The following FAM184A variants were observed in gnomAD, a reference collection of about 807,000 sequenced individuals.
FAM184A encodes the protein protein FAM184A.
Under a neutral mutation model 143.8 loss-of-function variants are expected in FAM184A, and 99 were observed. The ratio of observed to expected loss-of-function variants is 0.69; its 90% confidence interval spans 0.58 to 0.81. The LOEUF is 0.81. Among genes scored for constraint, FAM184A ranks in the 40% least tolerant of loss-of-function variants. FAM184A has a pLI of 0.00. For synonymous variants in FAM184A, 427 were observed against 446.4 expected (o/e 0.96, Z 0.55); for missense variants, 1,217 against 1,310.5 (o/e 0.93, Z 1.10).
chr6:119,035,916 C>T (rs1231093386), intron 1 of FAM184A, among the ~76,000 whole-genome samples: 1 of 152,190 alleles, frequency 6.6e-6, no homozygotes, highest in Non-Finnish European at 1.5e-5. Flanking sequence ...GCCCGACCAC[C>T]TTGGGCATAT....
chr6:119,061,947 C>T (rs1032736839), intron 1 of FAM184A, among the ~76,000 whole-genome samples: 13 of 152,120 alleles, frequency 8.5e-5, no homozygotes, highest in Non-Finnish European at 1.8e-4. Flanking sequence ...TAGTGGCTCA[C>T]ACCTGTAATC....
intron 9 of FAM184A, among the ~76,000 whole-genome samples, chr6:118,981,457 A>T (rs1247268151): frequency 6.6e-6 from 1 of 152,222 alleles, no homozygotes; most frequent in Non-Finnish European, 1.5e-5. Context: ...TGAAAAGAGG[A>T]AACTTTAAAG....
chr6:119,129,424 G>A (rs565801215), intron 1 of FAM184A, among the ~76,000 whole-genome samples: 7 of 152,272 alleles, frequency 4.6e-5, no homozygotes, highest in African/African-American at 7.2e-5. Context: ...TGATCTTTTA[G>A]GGCCCAGATG....
chr6:119,100,229 A>G (rs1288832432), intron 1 of FAM184A, among the ~76,000 whole-genome samples: 1 of 152,174 alleles, frequency 6.6e-6, no homozygotes, highest in Admixed American at 6.5e-5. Context: ...GAGAAATGAA[A>G]TGGTACAGGA....
At chr6:119,062,784 T>C (rs1787308596) in intron 1 of FAM184A, among the ~76,000 whole-genome samples, 1 of 152,226 alleles carries the variant, frequency 6.6e-6, no homozygotes, top group South Asian at 2.1e-4. Flanking sequence ...TTCACTCAGA[T>C]AAAGCTAAAC....
intron 7 of FAM184A, among the ~76,000 whole-genome samples, chr6:119,004,361 G>A (rs1194694916): frequency 6.6e-6 from 1 of 152,156 alleles, no homozygotes; most frequent in African/African-American, 2.4e-5. Context: ...ATGACATGTG[G>A]TGTGGCAGTT....
chr6:119,104,775 G>A (rs1014682610), intron 1 of FAM184A, among the ~76,000 whole-genome samples: 3 of 152,066 alleles, frequency 2.0e-5, no homozygotes, highest in Non-Finnish European at 4.4e-5. Context: ...TAAAACGCGC[G>A]AAAAACTGTA....
At chr6:119,057,779 A>T (rs1322165620) in intron 1 of FAM184A, 1 of 151,960 alleles carries the variant, frequency 6.6e-6, no homozygotes, top group African/African-American at 2.4e-5. Flanking sequence ...AAATAAGAGA[A>T]AATGGCAAAG....
At chr6:119,123,266 G>C (rs543446072) in intron 1 of FAM184A, among the ~76,000 whole-genome samples, 5 of 151,936 alleles carry the variant, frequency 3.3e-5, no homozygotes, top group Non-Finnish European at 7.4e-5. Flanking sequence ...GTGTAGGCCT[G>C]TAATCCTATC....
In FAM184A at chr6:119,016,775, G is replaced by A. The variant is rs1785270680; in HGVS notation, c.1502C>T (p.Ala501Val). The part of the protein sequence containing the change: ...HMAIEAVHSN[A>V]IRDKKKLQMD... ...TTGCAGTTTTTTCTTATCCCTAATT[G>A]CATTACTGTGGACAGCTTCAATTGC... is the stretch of plus-strand genomic sequence containing the variant. The change falls in exon 5 of 18, where the codon GCA (alanine) becomes GTA (valine). Residue 501 changes from alanine to valine, a missense_variant. By Grantham distance (64) the Ala-to-Val change is moderately conservative (BLOSUM62 0). Coordinates refer to ENST00000338891, the MANE Select transcript of FAM184A (RefSeq NM_024581.6). 6.2e-7 allele frequency: 1 copy of A among 1,613,942 alleles called. No individual in the cohort carries two copies. The highest frequency in any genetic ancestry group is 1.3e-5 in the African/African-American group (1 of 75,002).
intron 1 of FAM184A, among the ~76,000 whole-genome samples, chr6:119,094,616 C>T (rs1788457511): frequency 1.3e-5 from 2 of 152,120 alleles, no homozygotes; most frequent in Non-Finnish European, 2.9e-5. Context: ...ATGCTTTCTC[C>T]AACTACACCA....
At chr6:119,119,502 C>T (rs1408075130) in intron 1 of FAM184A, among the ~76,000 whole-genome samples, 1 of 152,092 alleles carries the variant, frequency 6.6e-6, no homozygotes, top group Non-Finnish European at 1.5e-5. Context: ...TAGAAAAGAA[C>T]CCATGTGAAA....
intron 1 of FAM184A, among the ~76,000 whole-genome samples, chr6:119,059,895 AAG>A (rs1321750810): frequency 1.3e-5 from 2 of 152,214 alleles, no homozygotes; most frequent in Non-Finnish European, 2.9e-5. Flanking sequence ...TTTCAACAAA[AAG>A]ACTATTGTTT....
intron 1 of FAM184A, among the ~76,000 whole-genome samples, chr6:119,072,739 T>C (rs186514156): frequency 1.3e-5 from 2 of 152,292 alleles, no homozygotes; most frequent in East Asian, 1.9e-4. Context: ...AAGAACATTA[T>C]ATTTGTATTT....
In FAM184A at chr6:119,041,993, C is replaced by T. The variant is rs539637985; in HGVS notation, c.160-17180G>A. Among the ~76,000 whole-genome samples the T allele has an allele frequency of 1.8e-4, 27 of 152,254 alleles. 1 individual carries two copies. Among genetic ancestry groups the T allele is most frequent in the African/African-American group, 5.1e-4 (21 of 41,542 alleles). ...ACGAGGCTTGCCACCATCTTGGAAG[C>T]GGCCCGCCACCATCTTGGGAGCTCT... On this transcript the variant is annotated intron_variant, in intron 1 of 17. Coordinates refer to ENST00000338891, the MANE Select transcript of FAM184A (RefSeq NM_024581.6).
intron 1 of FAM184A, among the ~76,000 whole-genome samples, chr6:119,122,310 A>C (rs1022610074): frequency 2.0e-5 from 3 of 152,234 alleles, no homozygotes; most frequent in Non-Finnish European, 4.4e-5. Flanking sequence ...TAACAAGAGC[A>C]AGCTCCTTTT....
chr6:119,138,825 C>T (rs1188172851), intron 1 of FAM184A, among the ~76,000 whole-genome samples: 1 of 152,096 alleles, frequency 6.6e-6, no homozygotes, highest in East Asian at 1.9e-4. Flanking sequence ...CGGGGTTTCT[C>T]CATGTTGGTC....
chr6:119,051,359 G>T (rs748051806), intron 1 of FAM184A, among the ~76,000 whole-genome samples: 2 of 152,094 alleles, frequency 1.3e-5, no homozygotes, highest in Non-Finnish European at 2.9e-5. Context: ...GGACATAGAG[G>T]GTAGAATGAT....
intron 1 of FAM184A, among the ~76,000 whole-genome samples, chr6:119,064,866 A>G (rs995080536): frequency 2.6e-5 from 4 of 152,148 alleles, no homozygotes; most frequent in African/African-American, 9.7e-5. Context: ...TAAGGCCCCA[A>G]CCAACTACAC....
Sources: allele counts gnomAD v4.1 joint callset (sites outside exome capture counted in the v4.1 genomes callset), GRCh38; gene constraint gnomAD v4.1.1; transcripts MANE v1.5; gene names NCBI Gene and HGNC (gene_info 2026-07-23, HGNC 2026-07-21).